MTCH1: variants seen among roughly 807,000 people sequenced by gnomAD.
MTCH1 encodes mitochondrial carrier homolog 1.
A neutral mutation model predicts 49.3 loss-of-function variants in MTCH1; 23 were observed. The observed-to-expected ratio is 0.47, with a 90% CI of 0.34 to 0.66. MTCH1 has a LOEUF of 0.66. Ranked by LOEUF, MTCH1 falls within the 30% of genes least tolerant of loss-of-function variation. The pLI, the probability that MTCH1 is intolerant of heterozygous loss-of-function variation, is 0.01. For missense variants in MTCH1, 397 were observed against 532.1 expected, an observed-to-expected ratio of 0.75 and a Z score of 2.50; for synonymous variants, 229 against 215.2, an observed-to-expected ratio of 1.06 and a Z score of -0.56.
In MTCH1 at chr6:36,977,240, C is replaced by T. The variant is rs759195401; in HGVS notation, c.660G>A (p.Met220Ile). Residue 220 changes from methionine (M) to isoleucine (I), a missense_variant, in exon 6 of 12, where the codon ATG (methionine) becomes ATA (isoleucine). Around this residue, in one of 2 missense-constraint regions of MTCH1, gnomAD observed 252 missense variants for 388.3 expected, o/e 0.65. Transcript: ENST00000373627. This position sits in a 1 kb window ranked among gnomAD's most constrained non-coding sequence, Gnocchi z 5.4. ...GTCCCACAAACTGGACCATGCAGCG[C>T]ATTGAGATGACTGAGGAAAAAAAAG... is the stretch of plus-strand genomic sequence containing the variant. ...MLAHPLHVIS[M>I]RCMVQFVGRE... 1 of 1,614,032 alleles carries T rather than the reference C, an allele frequency of 6.2e-7. No individual in the cohort carries two copies. Among genetic ancestry groups the T allele is most frequent in the Non-Finnish European group, 8.5e-7 (1 of 1,179,982 alleles).
rs1763562532 is a variant in MTCH1 at position 36,968,662 on chromosome 6, C to T, written c.*241G>A. 1 of 612,516 alleles carries T rather than the reference C, an allele frequency of 1.6e-6. No homozygotes were observed. Among genetic ancestry groups the T allele is most frequent in the Non-Finnish European group, 3.1e-6 (1 of 325,330 alleles). The allele number at this position is 612,516 out of a possible 1,614,324, so 37.9% of individuals were successfully genotyped here. Reference sequence around the variant, plus strand: ...AAATCTGCGAGGTATGGGGATTCTGCCAACTCCCCACCTCGCCTCACCTTC... The same window carrying T: ...AAATCTGCGAGGTATGGGGATTCTGTCAACTCCCCACCTCGCCTCACCTTC... On this transcript the variant is annotated 3_prime_UTR_variant, in exon 12 of 12. Transcript: ENST00000373627.
intron 3 of MTCH1, 103 bp from the exon 4 acceptor site, chr6:36,978,258 T>C: frequency 2.8e-6 from 3 of 1,090,040 alleles, no homozygotes; most frequent in Non-Finnish European, 4.2e-6. Context: ...TCCTCTGCAG[T>C]GTCTATTGGC....
Position 36,978,540 on chromosome 6 carries a change from C to A in MTCH1, c.478G>T (p.Ala160Ser). The A allele has an allele frequency of 6.2e-7, 1 of 1,614,128 alleles. No individual in the cohort carries two copies. The highest frequency in any genetic ancestry group is 8.5e-7 in the Non-Finnish European group (1 of 1,180,006). Residue 160 changes from alanine to serine, a missense_variant, in exon 3 of 12, where the codon GCC (alanine) becomes TCC (serine). Physicochemically the swap from Ala to Ser is moderately conservative, Grantham distance 99. Transcript: ENST00000373627. ...CTACCCCGAGTCACAGTAGAGAGGG[C>A]GTTGGACATCAGCCGGGGACTCAGG... ...RGLSPRLMSNALSTVTRGSMK... is the reference protein window; with the variant it reads ...RGLSPRLMSNSLSTVTRGSMK...
chr6:36,977,628 G>A lies in MTCH1; in HGVS notation c.649+6C>T. 6.3e-7 allele frequency: 1 copy of A among 1,599,742 alleles called. No individual in the cohort carries two copies. The stretch of plus-strand genomic sequence containing the variant: ...ATACAGTCTCGGGGGAAGGGGGGTG[G>A]CTTACCATGCAGGGGGTGGGCCAAC... On this transcript the variant is annotated splice_donor_region_variant and intron_variant, in intron 5 of 11. Transcript: ENST00000373627. The surrounding 1 kb of genome is among the most constrained non-coding windows in gnomAD (Gnocchi z 5.4).
upstream of MTCH1, chr6:36,986,345 G>T: frequency 1.9e-6 from 1 of 522,310 alleles, no homozygotes; most frequent in Non-Finnish European, 2.9e-6. Context: ...GGCCTAGCAG[G>T]ACACTGGGCT....
chr6:36,983,923 G>A (rs1009992579), intron 1 of MTCH1, among the ~76,000 whole-genome samples: 3 of 152,114 alleles, frequency 2.0e-5, no homozygotes, highest in African/African-American at 7.2e-5. Context: ...AGGCACCTCT[G>A]GTCCTTCAAC....
chr6:36,980,487 C>T (rs1265135845), intron 2 of MTCH1, among the ~76,000 whole-genome samples: 2 of 152,230 alleles, frequency 1.3e-5, no homozygotes, highest in East Asian at 1.9e-4. Flanking sequence ...ACTACGCTGA[C>T]AATTTTTAAG....
intron 2 of MTCH1, among the ~76,000 whole-genome samples, chr6:36,979,839 A>G (rs1764025202): frequency 6.6e-6 from 1 of 152,282 alleles, no homozygotes; most frequent in Non-Finnish European, 1.5e-5. Context: ...ACCTGTAAAA[A>G]AAGAAGGAAT....
chr6:36,977,690 G>A lies in MTCH1; in HGVS notation c.593C>T (p.Thr198Ile). 1 of 1,608,098 alleles carries A rather than the reference G, an allele frequency of 6.2e-7. No individual in the cohort carries two copies. The highest frequency in any genetic ancestry group is 8.5e-7 in the Non-Finnish European group (1 of 1,177,294). Residue 198 changes from threonine (T) to isoleucine (I), a missense_variant and splice_region_variant, in exon 5 of 12, where the codon ACC becomes ATC. Physicochemically the swap from Thr to Ile is moderately conservative, Grantham distance 89. Transcript: ENST00000373627. The surrounding 1 kb of genome is among the most constrained non-coding windows in gnomAD (Gnocchi z 5.4). ...ACACTGCATCATCATCTCGTAGGAG[G>A]TCTGGAAGAGAGCATGGGGTGGGGA... is the stretch of plus-strand genomic sequence containing the variant. ...KTSLKKVVKE[T>I]SYEMMMQCVS...
Position 36,977,380 on chromosome 6 carries a change from G to C in MTCH1, c.650-130C>G. The C allele has an allele frequency of 2.1e-6, 2 of 940,166 alleles. No homozygotes were observed. Among genetic ancestry groups the C allele is most frequent in the Admixed American group, 2.1e-5 (1 of 48,370 alleles). The allele number at this position is 940,166 out of a possible 1,614,324, so 58.2% of individuals were successfully genotyped here. A position where few individuals can be genotyped will look rare whatever the true frequency, so the allele number is the denominator to read the frequency against. On this transcript the variant is annotated intron_variant, in intron 5 of 11. Transcript: ENST00000373627. The surrounding 1 kb of genome is among the most constrained non-coding windows in gnomAD (Gnocchi z 5.4). ...CTATTCAGAGAGCAGGAGAGGAAGAGGGCCTTTCGGATTCCCTGTTACACC... is the reference window on the plus strand; with the variant it reads ...CTATTCAGAGAGCAGGAGAGGAAGACGGCCTTTCGGATTCCCTGTTACACC...
chr6:36,981,724 C>G, intron 1 of MTCH1, 52 bp from the exon 2 acceptor site: 2 of 1,456,070 alleles, frequency 1.4e-6, no homozygotes, highest in Non-Finnish European at 1.9e-6. Flanking sequence ...GGTGATTCAG[C>G]CTCACCACCT....
In MTCH1 at chr6:36,975,641, T is replaced by C. The variant is rs777808773; in HGVS notation, c.761+17A>G. 75 of 1,613,292 alleles carry C rather than the reference T, an allele frequency of 4.6e-5. No homozygotes were observed. The highest frequency in any genetic ancestry group is 6.1e-5 in the Non-Finnish European group (72 of 1,179,354). On this transcript the variant is annotated intron_variant, in intron 7 of 11. Transcript: ENST00000373627. ...GCCATGCCCGTGGCCAGTTATGGGG[T>C]GTATAAACTCACGTACACGAAGAAT...
Position 36,972,950 on chromosome 6 carries a change from C to G in MTCH1, c.762-154G>C, listed in dbSNP as rs913188982. 6.6e-6 allele frequency among the ~76,000 whole-genome samples: 1 copy of G among 152,152 alleles called. No homozygotes were observed. The stretch of plus-strand genomic sequence containing the variant: ...AAAGGAGGCCTGCAGGGTCCAGCAG[C>G]TATGCACACTGGGAAGATAGTGCTC... On this transcript the variant is annotated intron_variant, in intron 7 of 11. Transcript: ENST00000373627. The surrounding 1 kb of genome is among the most constrained non-coding windows in gnomAD (Gnocchi z 4.1).
At chr6:36,981,002 A>C (rs1406472341) in intron 2 of MTCH1, among the ~76,000 whole-genome samples, 1 of 152,230 alleles carries the variant, frequency 6.6e-6, no homozygotes, top group East Asian at 1.9e-4. Context: ...CAAGGGGTGC[A>C]GCCAGGCCAC....
chr6:36,982,381 T>C lies in MTCH1; in HGVS notation c.322-709A>G, dbSNP rs986812549. Among the ~76,000 whole-genome samples the C allele has an allele frequency of 2.0e-5, 3 of 149,454 alleles. No individual in the cohort carries two copies. The highest frequency in any genetic ancestry group is 1.9e-4 in the East Asian group (1 of 5,152). ...TTCTTATATCTGAAATATTTATTTATTTATTTTTTTTTTTGAGATGGAGTT... is the reference window on the plus strand; with the variant it reads ...TTCTTATATCTGAAATATTTATTTACTTATTTTTTTTTTTGAGATGGAGTT... On this transcript the variant is annotated intron_variant, in intron 1 of 11. Coordinates refer to ENST00000373627, the MANE Select transcript of MTCH1 (RefSeq NM_001271641.2). The surrounding 1 kb of genome is among the most constrained non-coding windows in gnomAD (Gnocchi z 4.1).
intron 8 of MTCH1, 84 bp from the exon 9 acceptor site, chr6:36,970,778 T>G: frequency 7.0e-7 from 1 of 1,423,548 alleles, no homozygotes; most frequent in Non-Finnish European, 9.8e-7. Flanking sequence ...CCCCACCCTC[T>G]GTGCTGAGCT....
intron 8 of MTCH1, chr6:36,970,944 G>A (rs868674730): frequency 5.4e-6 from 3 of 555,236 alleles, no homozygotes; most frequent in Non-Finnish European, 9.8e-6. Flanking sequence ...GCAACCCACC[G>A]GACTGTGAGC....
upstream of MTCH1, chr6:36,986,238 G>A: frequency 7.4e-7 from 1 of 1,343,574 alleles, no homozygotes; most frequent in Non-Finnish European, 9.6e-7. Flanking sequence ...CGGCGTCAGG[G>A]GGCGGGGCCG....
chr6:36,972,573 C>T lies in MTCH1; in HGVS notation c.906+79G>A. 6.8e-7 allele frequency: 1 copy of T among 1,471,230 alleles called. No homozygotes were observed. The highest frequency in any genetic ancestry group is 9.1e-7 in the Non-Finnish European group (1 of 1,093,520). The allele number at this position is 1,471,230 out of a possible 1,614,324, so 91.1% of individuals were successfully genotyped here. A position where few individuals can be genotyped will look rare whatever the true frequency, so the allele number is the denominator to read the frequency against. Reference sequence around the variant, plus strand: ...ACCCTCCCGGCCTGATGCTGAGAATCCCAGAATCCTTGAGTTTGTCCCAGA... The same window carrying T: ...ACCCTCCCGGCCTGATGCTGAGAATTCCAGAATCCTTGAGTTTGTCCCAGA... On this transcript the variant is annotated intron_variant, in intron 8 of 11. Coordinates refer to ENST00000373627, the MANE Select transcript of MTCH1 (RefSeq NM_001271641.2). The surrounding 1 kb of genome is among the most constrained non-coding windows in gnomAD (Gnocchi z 4.1).
Sources: allele counts gnomAD v4.1 joint callset (sites outside exome capture counted in the v4.1 genomes callset), GRCh38; gene constraint gnomAD v4.1.1; regional missense constraint gnomAD v4.1.1; non-coding constraint Gnocchi (gnomAD v3.1); transcripts MANE v1.5; gene names NCBI Gene and HGNC (gene_info 2026-07-23, HGNC 2026-07-21).